The following NENF variants were observed in gnomAD, a reference collection of about 807,000 sequenced individuals.
NENF encodes the protein neudesin neurotrophic factor, also known as neudesin.
In NENF, 6 loss-of-function variants were observed where a neutral mutation model predicts 14.8. That is an observed-to-expected ratio of 0.40 (90% CI 0.22 to 0.80). NENF has a LOEUF of 0.80. Ranked by LOEUF, NENF falls within the 30% of genes least tolerant of loss-of-function variation. NENF has a pLI of 0.34. For synonymous variants in NENF, 76 were observed against 95.1 expected (o/e 0.80, Z 1.17); for missense variants, 184 against 212.7 (o/e 0.87, Z 0.84).
At chr1:212,442,389 G>C (rs187533567) in intron 1 of NENF, among the ~76,000 whole-genome samples, 176 bp from the exon 2 acceptor site, 19 of 152,344 alleles carry the variant, frequency 1.2e-4, no homozygotes, top group African/African-American at 2.9e-4. Flanking sequence ...TTCTGTGTGC[G>C]GGCATGACGC....
At chr1:212,434,093 A>T (rs1379381422) in intron 1 of NENF, among the ~76,000 whole-genome samples, 2 of 152,220 alleles carry the variant, frequency 1.3e-5, no homozygotes, top group African/African-American at 4.8e-5. Flanking sequence ...TGGGGGTATC[A>T]GAAACCTGGC....
At chr1:212,443,457 G>A (rs1662726013) in intron 2 of NENF, among the ~76,000 whole-genome samples, 1 of 152,066 alleles carries the variant, frequency 6.6e-6, no homozygotes, top group African/African-American at 2.4e-5. Context: ...CCAGGTTAGA[G>A]TGCAGTGATG....
Position 212,433,689 on chromosome 1 carries a change from G to A in NENF, c.177+569G>A, listed in dbSNP as rs923886293. ...GCCAAAGCTGGAAGTGAGCGCAGAG[G>A]GTGGACTGGAGGTTAGAGACCCCCA... On this transcript the variant is annotated intron_variant, in intron 1 of 3. Coordinates refer to ENST00000366988, the MANE Select transcript of NENF (RefSeq NM_013349.5). This position sits in a 1 kb window ranked among gnomAD's most constrained non-coding sequence, Gnocchi z 5.5. Among the ~76,000 whole-genome samples the A allele has an allele frequency of 2.6e-5, 4 of 151,998 alleles. No individual in the cohort carries two copies. Among genetic ancestry groups the A allele is most frequent in the Non-Finnish European group, 4.4e-5 (3 of 67,984 alleles).
At chr1:212,440,452 A>T (rs1256449558) in intron 1 of NENF, among the ~76,000 whole-genome samples, 2 of 152,150 alleles carry the variant, frequency 1.3e-5, no homozygotes, top group Non-Finnish European at 2.9e-5. Flanking sequence ...TCACAAAGAA[A>T]AATGCCGTCT....
chr1:212,436,543 C>T (rs943290656), intron 1 of NENF, among the ~76,000 whole-genome samples: 26 of 152,054 alleles, frequency 1.7e-4, no homozygotes, highest in Non-Finnish European at 1.0e-4. Flanking sequence ...CTCCTGACCT[C>T]GTGATCCACC....
intron 2 of NENF, among the ~76,000 whole-genome samples, chr1:212,443,312 T>C (rs975729850): frequency 4.6e-5 from 7 of 152,226 alleles, no homozygotes; most frequent in Non-Finnish European, 8.8e-5. Context: ...TAGTTTTGTA[T>C]TGGTTTATCT....
intron 3 of NENF, among the ~76,000 whole-genome samples, chr1:212,444,846 A>G (rs1662755660): frequency 6.6e-6 from 1 of 152,098 alleles, no homozygotes; most frequent in African/African-American, 2.4e-5. Flanking sequence ...CAGCCTTGCT[A>G]TTAGTCTCTG....
In NENF at chr1:212,446,053, C is replaced by T; in HGVS notation, c.*47C>T. 6.3e-7 allele frequency: 1 copy of T among 1,597,054 alleles called. No homozygotes were observed. Among genetic ancestry groups the T allele is most frequent in the African/African-American group, 1.3e-5 (1 of 74,606 alleles). On this transcript the variant is annotated 3_prime_UTR_variant, in exon 4 of 4. Coordinates refer to ENST00000366988, the MANE Select transcript of NENF (RefSeq NM_013349.5). ...TTCTTGGGAGCGTGAGGCAGGAAGACACTAGGTGCTGAATCTCCTGCAAAA... is the reference window on the plus strand; with the variant it reads ...TTCTTGGGAGCGTGAGGCAGGAAGATACTAGGTGCTGAATCTCCTGCAAAA...
chr1:212,438,866 C>T (rs539007853), intron 1 of NENF, among the ~76,000 whole-genome samples: 15 of 152,260 alleles, frequency 9.9e-5, no homozygotes, highest in African/African-American at 3.6e-4. Flanking sequence ...ATCTGCCCAC[C>T]TCAGCCTCCC....
chr1:212,437,692 C>CT (rs1662630408), intron 1 of NENF, among the ~76,000 whole-genome samples: 1 of 152,150 alleles, frequency 6.6e-6, no homozygotes, highest in African/African-American at 2.4e-5. Context: ...GGTGTCCTGG[C>CT]TGTCAGTGTC....
chr1:212,444,853 T>C (rs1454464227), intron 3 of NENF, among the ~76,000 whole-genome samples: 1 of 152,172 alleles, frequency 6.6e-6, no homozygotes, highest in African/African-American at 2.4e-5. Context: ...GCTATTAGTC[T>C]CTGAGACCCA....
At chr1:212,438,483 A>C (rs1662643348) in intron 1 of NENF, among the ~76,000 whole-genome samples, 1 of 152,198 alleles carries the variant, frequency 6.6e-6, no homozygotes, top group Admixed American at 6.5e-5. Context: ...TTCTTCACCT[A>C]CAAAATGGGT....
intron 2 of NENF, among the ~76,000 whole-genome samples, chr1:212,442,960 C>G (rs529471599): frequency 2.0e-4 from 30 of 152,188 alleles, no homozygotes; most frequent in African/African-American, 7.2e-4. Flanking sequence ...CAAGGCTGGT[C>G]TTGAACTTCT....
At chr1:212,436,607 C>T (rs946273527) in intron 1 of NENF, among the ~76,000 whole-genome samples, 2 of 152,162 alleles carry the variant, frequency 1.3e-5, no homozygotes, top group Non-Finnish European at 2.9e-5. Flanking sequence ...TGTACCCAGC[C>T]TTGTTAAGGT....
At position 212,446,024 on chromosome 1, in the gene NENF, C is replaced by T. The variant is rs779028869; in HGVS notation, c.*18C>T. On this transcript the variant is annotated 3_prime_UTR_variant, in exon 4 of 4. Coordinates refer to ENST00000366988, the MANE Select transcript of NENF (RefSeq NM_013349.5). ...AGTTCTGATGTTCCCCCTGCAGGAG[C>T]AGGTTCTTGGGAGCGTGAGGCAGGA... 4 of 1,613,566 alleles carry T rather than the reference C, an allele frequency of 2.5e-6. No individual in the cohort carries two copies. The African/African-American group carries it at 5.3e-5, about 22-fold the overall frequency.
intron 1 of NENF, among the ~76,000 whole-genome samples, chr1:212,438,617 A>ATTTTT (rs757959823): frequency 8.0e-6 from 1 of 124,908 alleles, no homozygotes; most frequent in Non-Finnish European, 1.7e-5. Context: ...GTGTGTCTGT[A>ATTTTT]TTTTTTTTTT....
chr1:212,444,775 G>C (rs1662754329), intron 3 of NENF, among the ~76,000 whole-genome samples: 1 of 152,014 alleles, frequency 6.6e-6, no homozygotes, highest in Admixed American at 6.6e-5. Context: ...GCCCCAACCT[G>C]CTTTGGCAAC....
At chr1:212,439,565 C>T (rs6702346) in intron 1 of NENF, among the ~76,000 whole-genome samples, 37,121 of 149,986 alleles carry the variant, frequency 0.25, 4,785 homozygotes, top group Non-Finnish European at 0.28. Context: ...GATTGTTTGC[C>T]GGGCGTGTTG....
At chr1:212,445,526 G>A (rs1332286543) in intron 3 of NENF, among the ~76,000 whole-genome samples, 5 of 152,118 alleles carry the variant, frequency 3.3e-5, no homozygotes, top group African/African-American at 9.7e-5. Flanking sequence ...GGGGAGGAAG[G>A]GGATGCAGAT....
Sources: gnomAD v4.1 joint callset for allele counts (sites outside exome capture counted in the v4.1 genomes callset) on GRCh38, gnomAD v4.1.1 for gene constraint, Gnocchi (gnomAD v3.1) non-coding constraint, MANE v1.5 for transcripts, NCBI Gene and HGNC (gene_info 2026-07-23, HGNC 2026-07-21) for gene names.